CELF2: variants seen among roughly 807,000 people sequenced by gnomAD.
The protein encoded by CELF2 is CUGBP Elav-like family member 2.
A neutral mutation model predicts 62.6 loss-of-function variants in CELF2; 8 were observed. The ratio of observed to expected loss-of-function variants is 0.13; its 90% CI spans 0.07 to 0.23. The LOEUF is 0.23. Among genes scored for constraint, CELF2 ranks in the 10% least tolerant of loss-of-function variants. The pLI is 1.00. For missense variants in CELF2, 333 were observed against 671.0 expected, an observed-to-expected ratio of 0.50 and a Z score of 5.56; for synonymous variants, 258 against 250.0, an observed-to-expected ratio of 1.03 and a Z score of -0.30.
intron 2 of CELF2, among the ~76,000 whole-genome samples, chr10:11,166,775 C>G (rs1253597393): frequency 2.0e-5 from 3 of 152,214 alleles, no homozygotes; most frequent in Non-Finnish European, 4.4e-5. Context: ...ACATACTTTT[C>G]TCTAACCCTT....
At chr10:11,143,230 CA>C (rs1409755381) in intron 1 of CELF2, among the ~76,000 whole-genome samples, 1 of 152,168 alleles carries the variant, frequency 6.6e-6, no homozygotes, top group Non-Finnish European at 1.5e-5. Flanking sequence ...CTTATCCCAC[CA>C]ATTCTTAATA....
the CELF2 span, among the ~76,000 whole-genome samples, chr10:10,587,639 A>C: frequency 6.6e-6 from 1 of 152,178 alleles, no homozygotes; most frequent in East Asian, 1.9e-4. Flanking sequence ...AATTGTAGAG[A>C]TCTATCTGTC....
the CELF2 span, among the ~76,000 whole-genome samples, chr10:10,674,840 A>G: frequency 8.4e-4 from 128 of 152,346 alleles, no homozygotes; most frequent in African/African-American, 2.8e-3. Context: ...CACTTGTGCC[A>G]GTGTGAATAC....
At chr10:11,265,328 T>G (rs138846056) in intron 5 of CELF2, among the ~76,000 whole-genome samples, 69 of 152,374 alleles carry the variant, frequency 4.5e-4, no homozygotes, top group African/African-American at 1.6e-3. Flanking sequence ...CTCTCAGTGT[T>G]TAGATCTGCT....
Position 11,302,527 on chromosome 10 carries a change from A to G in CELF2, c.977-11612A>G, listed in dbSNP as rs1591084257. Reference sequence around the variant, plus strand: ...GGACAGGATTGGGCCCGCCTCCCCCAGACAAGAACTCTGACCAAATGGCCT... The same window carrying G: ...GGACAGGATTGGGCCCGCCTCCCCCGGACAAGAACTCTGACCAAATGGCCT... On this transcript the variant is annotated intron_variant, in intron 9 of 12. Coordinates refer to ENST00000633077, the MANE Select transcript of CELF2 (RefSeq NM_001326342.2). This position sits in a 1 kb window ranked among gnomAD's most constrained non-coding sequence, Gnocchi z 5.0. 6.6e-6 allele frequency among the ~76,000 whole-genome samples: 1 copy of G among 152,138 alleles called. No homozygotes were observed. Among genetic ancestry groups the G allele is most frequent in the Non-Finnish European group, 1.5e-5 (1 of 68,010 alleles).
At chr10:11,005,257 A>G (rs1039061736), upstream of CELF2, 413 of 350,074 alleles carry the variant, frequency 1.2e-3, no homozygotes, top group Non-Finnish European at 1.5e-3. The surrounding 1 kb of genome is among the most constrained non-coding windows in gnomAD (Gnocchi z 4.3). Flanking sequence ...AGAGAGAGGG[A>G]GAGAGAGAGA....
chr10:11,292,575 G>C (rs2092667014), intron 9 of CELF2, among the ~76,000 whole-genome samples: 1 of 152,234 alleles, frequency 6.6e-6, no homozygotes, highest in South Asian at 2.1e-4. Flanking sequence ...ACATAAAAAT[G>C]AGTTGGGGCC....
chr10:11,168,654 A>G (rs1193513669), intron 2 of CELF2, among the ~76,000 whole-genome samples: 5 of 152,182 alleles, frequency 3.3e-5, no homozygotes, highest in African/African-American at 1.2e-4. Context: ...AGAGGCCTTG[A>G]TTCATTGCCT....
chr10:10,698,084 G>C, the CELF2 span, among the ~76,000 whole-genome samples: 7 of 152,182 alleles, frequency 4.6e-5, no homozygotes, highest in Admixed American at 2.6e-4. Flanking sequence ...ATATCAATTG[G>C]GGGGTGGGGC....
At chr10:10,483,481 C>G in the CELF2 span, among the ~76,000 whole-genome samples, 4 of 152,102 alleles carry the variant, frequency 2.6e-5, no homozygotes, top group African/African-American at 9.7e-5. Context: ...AATGCACAAA[C>G]CGAAGGGTGG....
At chr10:11,179,568 A>G (rs1170386652) in intron 2 of CELF2, among the ~76,000 whole-genome samples, 1 of 152,246 alleles carries the variant, frequency 6.6e-6, no homozygotes, top group Non-Finnish European at 1.5e-5. Flanking sequence ...TCTGTGGAGC[A>G]GAGACATGCT....
At chr10:11,135,384 G>A (rs2060268830) in intron 1 of CELF2, among the ~76,000 whole-genome samples, 1 of 152,200 alleles carries the variant, frequency 6.6e-6, no homozygotes, top group Non-Finnish European at 1.5e-5. Context: ...CAGAGGCCCA[G>A]GCCAAGTGCA....
chr10:10,602,198 G>A, the CELF2 span, among the ~76,000 whole-genome samples: 15 of 151,948 alleles, frequency 9.9e-5, no homozygotes, highest in African/African-American at 2.7e-4. Flanking sequence ...TGCAGTGAAC[G>A]TGCTTGTATC....
the CELF2 span, among the ~76,000 whole-genome samples, chr10:10,650,858 G>A: frequency 6.6e-6 from 1 of 152,104 alleles, no homozygotes; most frequent in Non-Finnish European, 1.5e-5. Context: ...AAACGTGGAG[G>A]GGGGAGGAGC....
rs1484334097 is a variant in CELF2 at position 10,850,213 on chromosome 10, G to T, written c.53+51396G>T. ...AAAGGAAGTTATTAAATTATATCTG[G>T]TAGTTTAATAATCTCCAGAAAGGCT... On this transcript the variant is annotated intron_variant, in intron 1 of 13. Transcript: ENST00000636488. 2.6e-5 allele frequency among the ~76,000 whole-genome samples: 4 copies of T among 152,148 alleles called. No individual in the cohort carries two copies. In the East Asian group the frequency reaches 7.7e-4, roughly 29 times the overall value.
At chr10:10,646,271 A>G in the CELF2 span, among the ~76,000 whole-genome samples, 9 of 152,308 alleles carry the variant, frequency 5.9e-5, no homozygotes, top group Admixed American at 2.6e-4. Context: ...CTACTTCACA[A>G]TTTCCCTAAG....
Position 11,223,108 on chromosome 10 carries a change from T to C in CELF2, c.354+5601T>C, listed in dbSNP as rs547069613. Among the ~76,000 whole-genome samples the C allele has an allele frequency of 6.6e-6, 1 of 152,328 alleles. No individual in the cohort carries two copies. Among genetic ancestry groups the C allele is most frequent in the Non-Finnish European group, 1.5e-5 (1 of 68,020 alleles). Reference sequence around the variant, plus strand: ...CAGTTCCTTGGTGTAATTATAATTCTTTGTTTATGGGTGCTTTGAGTCCGG... The same window carrying C: ...CAGTTCCTTGGTGTAATTATAATTCCTTGTTTATGGGTGCTTTGAGTCCGG... On this transcript the variant is annotated intron_variant, in intron 3 of 12. Coordinates refer to ENST00000633077, the MANE Select transcript of CELF2 (RefSeq NM_001326342.2). This position sits in a 1 kb window ranked among gnomAD's most constrained non-coding sequence, Gnocchi z 5.1.
chr10:10,481,219 A>G, the CELF2 span, among the ~76,000 whole-genome samples: 3 of 152,156 alleles, frequency 2.0e-5, no homozygotes, highest in Admixed American at 2.0e-4. Flanking sequence ...GTCACTTGCC[A>G]TCATATTAAA....
At chr10:11,195,133 T>C (rs955408698) in intron 2 of CELF2, among the ~76,000 whole-genome samples, 1 of 152,230 alleles carries the variant, frequency 6.6e-6, no homozygotes, top group Non-Finnish European at 1.5e-5. Context: ...ACCATGAACT[T>C]AAACTCCTAT....
Sources: allele counts gnomAD v4.1 joint callset (sites outside exome capture counted in the v4.1 genomes callset), GRCh38; gene constraint gnomAD v4.1.1; non-coding constraint Gnocchi (gnomAD v3.1); transcripts MANE v1.5; gene names NCBI Gene and HGNC (gene_info 2026-07-23, HGNC 2026-07-21).